EDIL3: variants seen among roughly 807,000 people sequenced by gnomAD.
EDIL3 encodes the protein EGF-like repeat and discoidin I-like domain-containing protein 3.
In EDIL3, 37 loss-of-function variants were observed where a neutral mutation model predicts 67.4. The observed-to-expected ratio is 0.55, with a 90% CI of 0.42 to 0.72. EDIL3 has a LOEUF of 0.72. Among genes scored for constraint, EDIL3 ranks in the 30% least tolerant of loss-of-function variants. EDIL3 has a pLI of 0.00. For synonymous variants in EDIL3, 195 were observed against 196.3 expected, an observed-to-expected ratio of 0.99 and a Z score of 0.05; for missense variants, 527 against 586.3, an observed-to-expected ratio of 0.90 and a Z score of 1.04.
At chr5:84,006,981 C>A (rs1258157629) in intron 9 of EDIL3, among the ~76,000 whole-genome samples, 1 of 151,968 alleles carries the variant, frequency 6.6e-6, no homozygotes, top group Admixed American at 6.6e-5. Context: ...AGAAATAAAT[C>A]CATACATCTA....
chr5:84,262,060 A>G (rs1283639942), intron 1 of EDIL3, among the ~76,000 whole-genome samples: 1 of 152,332 alleles, frequency 6.6e-6, no homozygotes, highest in African/African-American at 2.4e-5. Flanking sequence ...ATCTTTTTGC[A>G]TATGTTTTAG....
At chr5:84,003,466 G>C (rs1408976785) in intron 9 of EDIL3, among the ~76,000 whole-genome samples, 1 of 152,216 alleles carries the variant, frequency 6.6e-6, no homozygotes, top group Non-Finnish European at 1.5e-5. Context: ...TCAGAGCACT[G>C]AGAGAGTGCA....
rs953340473 is a variant in EDIL3, at chr5:84,018,185, A to G, written c.1137+42115T>C. ...AGTACATAGTTGATCAAAAGCATAT[A>G]TTAACTTACCTTGCTTTGCATCTTT... On this transcript the variant is annotated intron_variant, in intron 9 of 10. Transcript: ENST00000296591. Among the ~76,000 whole-genome samples the G allele has an allele frequency of 2.0e-5, 3 of 152,184 alleles. No individual in the cohort carries two copies. In the South Asian group the frequency reaches 6.2e-4, roughly 32 times the overall value.
chr5:84,027,896 C>A (rs1440803900), intron 9 of EDIL3, among the ~76,000 whole-genome samples: 4 of 152,064 alleles, frequency 2.6e-5, no homozygotes, highest in Non-Finnish European at 5.9e-5. Context: ...TGTTTCCATG[C>A]TGTATGTTGT....
chr5:84,086,085 G>GCC (rs1747063961), intron 6 of EDIL3, among the ~76,000 whole-genome samples: 7 of 152,214 alleles, frequency 4.6e-5, no homozygotes, highest in Non-Finnish European at 7.3e-5. Context: ...GTGGTTCTCA[G>GCC]CTTGTTGGGC....
At chr5:84,185,537 C>CA (rs1183454623) in intron 3 of EDIL3, among the ~76,000 whole-genome samples, 1 of 152,064 alleles carries the variant, frequency 6.6e-6, no homozygotes, top group East Asian at 1.9e-4. Flanking sequence ...GTGTTTGATA[C>CA]ATTTTGAATA....
intron 9 of EDIL3, among the ~76,000 whole-genome samples, chr5:83,967,065 G>C (rs527585421): frequency 6.6e-6 from 1 of 152,234 alleles, no homozygotes; most frequent in East Asian, 1.9e-4. Flanking sequence ...GCTCACGCTT[G>C]TAATCCCAGC....
chr5:84,374,033 C>T (rs144694816), intron 1 of EDIL3, among the ~76,000 whole-genome samples: 13 of 152,058 alleles, frequency 8.5e-5, no homozygotes, highest in African/African-American at 2.9e-4. Flanking sequence ...GGTTCTGAAG[C>T]CACTGAGGAA....
chr5:83,994,413 T>G lies in EDIL3; in HGVS notation c.1138-31053A>C, dbSNP rs553878135. 4.3e-4 allele frequency among the ~76,000 whole-genome samples: 65 copies of G among 151,212 alleles called. 1 individual carries two copies. In the South Asian group the frequency reaches 0.013, roughly 31 times the overall value. On this transcript the variant is annotated intron_variant, in intron 9 of 10. Coordinates refer to ENST00000296591, the MANE Select transcript of EDIL3 (RefSeq NM_005711.5). ...TTTTTCATTTCAATTATTCTACCAATTTAGGCTACTATGTAAAGGTTTTTA... is the reference window on the plus strand; with the variant it reads ...TTTTTCATTTCAATTATTCTACCAAGTTAGGCTACTATGTAAAGGTTTTTA...
chr5:84,019,584 C>T (rs1034667284), intron 9 of EDIL3, among the ~76,000 whole-genome samples: 6 of 151,638 alleles, frequency 4.0e-5, no homozygotes, highest in Admixed American at 2.6e-4. Context: ...CCACAGAAAC[C>T]CAAACCAAAC....
At chr5:84,219,629 G>A (rs1744298367) in intron 3 of EDIL3, among the ~76,000 whole-genome samples, 1 of 152,088 alleles carries the variant, frequency 6.6e-6, no homozygotes. Flanking sequence ...CCAAAGGAAA[G>A]GAAATCAGTA....
chr5:84,371,333 A>G (rs1056604296), intron 1 of EDIL3, among the ~76,000 whole-genome samples: 3 of 144,206 alleles, frequency 2.1e-5, no homozygotes, highest in African/African-American at 7.7e-5. Flanking sequence ...ATATATATAT[A>G]TATATATATG....
chr5:84,346,558 G>A (rs1747244388), intron 1 of EDIL3, among the ~76,000 whole-genome samples: 1 of 152,120 alleles, frequency 6.6e-6, no homozygotes, highest in Non-Finnish European at 1.5e-5. Flanking sequence ...TGAGTACAGT[G>A]TACATTTTTA....
intron 3 of EDIL3, among the ~76,000 whole-genome samples, chr5:84,195,413 A>G (rs1432881215): frequency 6.6e-6 from 1 of 151,968 alleles, no homozygotes; most frequent in African/African-American, 2.4e-5. Context: ...ACTTTACTAG[A>G]AGTGTCTGAA....
intron 1 of EDIL3, among the ~76,000 whole-genome samples, chr5:84,268,890 T>C (rs1745406127): frequency 6.6e-6 from 1 of 152,138 alleles, no homozygotes; most frequent in Non-Finnish European, 1.5e-5. Flanking sequence ...TCATCCCATA[T>C]CCCATCACTA....
chr5:84,226,664 G>T (rs926957163), intron 3 of EDIL3, among the ~76,000 whole-genome samples: 9 of 151,746 alleles, frequency 5.9e-5, no homozygotes, highest in African/African-American at 2.2e-4. Flanking sequence ...TTTACTAAAT[G>T]ACACATTTTC....
At chr5:84,360,187 A>G (rs1747567699) in intron 1 of EDIL3, among the ~76,000 whole-genome samples, 1 of 152,282 alleles carries the variant, frequency 6.6e-6, no homozygotes, top group Middle Eastern at 3.4e-3. Context: ...TGGTTAAAGA[A>G]AGGGGAAAAT....
intron 1 of EDIL3, among the ~76,000 whole-genome samples, chr5:84,334,043 C>A (rs1163089275): frequency 1.3e-5 from 2 of 149,852 alleles, no homozygotes; most frequent in Non-Finnish European, 3.0e-5. Context: ...GATGCCCTTA[C>A]ACAGGGGCCA....
intron 9 of EDIL3, among the ~76,000 whole-genome samples, chr5:84,038,822 T>C (rs2269282): frequency 0.37 from 56,468 of 152,114 alleles, 11,776 homozygotes; most frequent in African/African-American, 0.58. Context: ...CAGAGCCACA[T>C]GATTTTGGAT....
Sources: gnomAD v4.1 joint callset for allele counts (sites outside exome capture counted in the v4.1 genomes callset) on GRCh38, gnomAD v4.1.1 for gene constraint, MANE v1.5 for transcripts, NCBI Gene and HGNC (gene_info 2026-07-23, HGNC 2026-07-21) for gene names.